OR2L13: variants seen among roughly 807,000 people sequenced by gnomAD.
OR2L13 encodes olfactory receptor 2L13.
OR2L13 carries 14 observed loss-of-function variants against 15.3 expected under a neutral mutation model. The ratio of observed to expected loss-of-function variants is 0.91; its 90% CI spans 0.60 to 1.43. OR2L13 has a LOEUF of 1.43. Among genes scored for constraint, OR2L13 ranks in the 40% most tolerant of loss-of-function variants. The pLI is 0.00. For missense variants in OR2L13, 367 were observed against 387.9 expected (o/e 0.95, Z 0.45); for synonymous variants, 152 against 142.9 (o/e 1.06, Z -0.45).
At chr1:248,026,908 T>C in the OR2L13 span, among the ~76,000 whole-genome samples, 1 of 152,130 alleles carries the variant, frequency 6.6e-6, no homozygotes, top group African/African-American at 2.4e-5. Context: ...TTGTTTGTAG[T>C]GCATGTGTGT....
the OR2L13 span, chr1:248,061,721 G>T: frequency 9.2e-7 from 1 of 1,083,884 alleles, no homozygotes; most frequent in Non-Finnish European, 1.3e-6. Context: ...GGAGCTAAAA[G>T]TAATCAAGGT....
At chr1:248,014,776 C>T in the OR2L13 span, among the ~76,000 whole-genome samples, 1 of 152,124 alleles carries the variant, frequency 6.6e-6, no homozygotes, top group Admixed American at 6.6e-5. Flanking sequence ...CTCCTAATAA[C>T]CCATGGATTA....
chr1:248,003,096 G>A, the OR2L13 span: 9 of 1,011,796 alleles, frequency 8.9e-6, no homozygotes, highest in African/African-American at 1.4e-4. Context: ...TAACTTACTC[G>A]TGTCTCCCTT....
At chr1:248,034,332 T>C in the OR2L13 span, among the ~76,000 whole-genome samples, 1 of 152,204 alleles carries the variant, frequency 6.6e-6, no homozygotes, top group Admixed American at 6.5e-5. Flanking sequence ...AGAGTCTGCA[T>C]AGCCAAAGCA....
At chr1:248,008,711 C>T in the OR2L13 span, among the ~76,000 whole-genome samples, 71 of 152,298 alleles carry the variant, frequency 4.7e-4, no homozygotes, top group African/African-American at 1.4e-3. Flanking sequence ...CAGAACTATT[C>T]ACCCCAAATC....
At chr1:248,084,102 G>C in the OR2L13 span, 9 of 1,611,588 alleles carry the variant, frequency 5.6e-6, no homozygotes, top group South Asian at 6.6e-5. Context: ...ACCGCAATAT[G>C]GGAAGCTCAG....
At chr1:247,957,532 T>G in the OR2L13 span, among the ~76,000 whole-genome samples, 2 of 152,222 alleles carry the variant, frequency 1.3e-5, no homozygotes, top group African/African-American at 4.8e-5. Flanking sequence ...GAGCTCCTCC[T>G]TATACCTCTG....
the OR2L13 span, among the ~76,000 whole-genome samples, chr1:247,977,620 C>T: frequency 6.6e-6 from 1 of 152,188 alleles, no homozygotes; most frequent in Non-Finnish European, 1.5e-5. Flanking sequence ...GAAGCATACA[C>T]TAAGCATGAA....
At chr1:248,054,075 G>C in the OR2L13 span, among the ~76,000 whole-genome samples, 1 of 152,082 alleles carries the variant, frequency 6.6e-6, no homozygotes, top group African/African-American at 2.4e-5. Context: ...TTCTTCTAGG[G>C]CTTTTATAGT....
the OR2L13 span, among the ~76,000 whole-genome samples, chr1:247,958,622 G>A: frequency 6.6e-6 from 1 of 152,130 alleles, no homozygotes; most frequent in African/African-American, 2.4e-5. Context: ...GAATCTGGGT[G>A]CTCCTGTATT....
the OR2L13 span, among the ~76,000 whole-genome samples, chr1:248,016,310 ATTT>A: frequency 6.6e-6 from 1 of 151,948 alleles, no homozygotes; most frequent in Non-Finnish European, 1.5e-5. Context: ...TTACATGGGT[ATTT>A]TTTTTGTAAG....
chr1:248,095,294 T>C (rs1227333598), upstream of OR2L13: 1 of 152,198 alleles, frequency 6.6e-6, no homozygotes, highest in Non-Finnish European at 1.5e-5. Flanking sequence ...ACACTGCATA[T>C]GCAAACAGGA....
At chr1:247,981,830 T>A in the OR2L13 span, among the ~76,000 whole-genome samples, 1 of 152,084 alleles carries the variant, frequency 6.6e-6, no homozygotes, top group African/African-American at 2.4e-5. Flanking sequence ...TTTTTTTTTT[T>A]TTTGAGACGG....
chr1:248,093,179 G>A (rs1382912416), upstream of OR2L13, among the ~76,000 whole-genome samples: 3 of 152,174 alleles, frequency 2.0e-5, no homozygotes, highest in Non-Finnish European at 4.4e-5. Context: ...GAGTCTAAGA[G>A]ATGTGGAAGT....
the OR2L13 span, among the ~76,000 whole-genome samples, chr1:248,071,818 T>G: frequency 8.0e-5 from 12 of 149,376 alleles, no homozygotes; most frequent in African/African-American, 2.7e-4. Flanking sequence ...TCACAAGCAT[T>G]CTTATACACC....
chr1:248,032,180 C>T, the OR2L13 span, among the ~76,000 whole-genome samples: 2 of 152,020 alleles, frequency 1.3e-5, no homozygotes, highest in African/African-American at 4.8e-5. Flanking sequence ...AACCAGAGGT[C>T]ATAAAATAAT....
the OR2L13 span, chr1:248,038,371 T>C: frequency 6.2e-7 from 1 of 1,613,060 alleles, no homozygotes; most frequent in Non-Finnish European, 8.5e-7. Context: ...CTCATTTTCC[T>C]AATGGCTCTA....
chr1:248,069,921 C>G, the OR2L13 span, among the ~76,000 whole-genome samples: 2 of 152,098 alleles, frequency 1.3e-5, no homozygotes, highest in Non-Finnish European at 2.9e-5. Flanking sequence ...ACTAGAAGAG[C>G]TAACTATCCT....
chr1:248,070,470 A>C, the OR2L13 span, among the ~76,000 whole-genome samples: 2 of 152,324 alleles, frequency 1.3e-5, no homozygotes, highest in South Asian at 4.1e-4. Flanking sequence ...GGACACATTC[A>C]AAGCAGTATG....
Sources: gnomAD v4.1 joint callset for allele counts (sites outside exome capture counted in the v4.1 genomes callset) on GRCh38, gnomAD v4.1.1 for gene constraint, MANE v1.5 for transcripts, NCBI Gene and HGNC (gene_info 2026-07-23, HGNC 2026-07-21) for gene names.